FBN2: variants seen among roughly 807,000 people sequenced by gnomAD.
FBN2 encodes fibrillin 2, also known as fibrillin-2.
In FBN2, 105 loss-of-function variants were observed where a neutral mutation model predicts 355.6. That is an observed-to-expected ratio of 0.30 (90% CI 0.25 to 0.35). The LOEUF is 0.35. Ranked by LOEUF, FBN2 falls within the 10% of genes least tolerant of loss-of-function variation. The pLI is 1.00. For synonymous variants in FBN2, 1,350 were observed against 1,301.2 expected (o/e 1.04, Z -0.81); for missense variants, 3,280 against 3,758.7 (o/e 0.87, Z 3.33).
intron 48 of FBN2, among the ~76,000 whole-genome samples, chr5:128,297,663 GC>G (rs1749564012): frequency 6.6e-6 from 1 of 152,090 alleles, no homozygotes; most frequent in Non-Finnish European, 1.5e-5. Flanking sequence ...TGCAACCCCT[GC>G]CTTTTTTTGT....
At chr5:128,357,085 A>G (rs1751519867) in intron 20 of FBN2, among the ~76,000 whole-genome samples, 191 bp downstream of exon 20, 1 of 152,250 alleles carries the variant, frequency 6.6e-6, no homozygotes, top group Admixed American at 6.5e-5. Flanking sequence ...GAATCTAACA[A>G]AAATTGAATA....
chr5:128,293,137 T>C (rs1217406892), intron 48 of FBN2, among the ~76,000 whole-genome samples: 1 of 152,086 alleles, frequency 6.6e-6, no homozygotes, highest in Non-Finnish European at 1.5e-5. Flanking sequence ...TCTGTGTATG[T>C]GTGTGTGTGG....
chr5:128,328,400 C>T lies in FBN2; in HGVS notation c.4471+296G>A, dbSNP rs183527717. ...CTTTAAAAGCTGAATAGTTTCTCCACATGTCATTCATTTAGTGATAAAAAA... is the reference window on the plus strand; with the variant it reads ...CTTTAAAAGCTGAATAGTTTCTCCATATGTCATTCATTTAGTGATAAAAAA... On this transcript the variant is annotated intron_variant, in intron 34 of 64. Transcript: ENST00000262464. The T allele has an allele frequency of 1.5e-4, 91 of 596,906 alleles. No homozygotes were observed. The Admixed American group carries it at 1.8e-3, about 12-fold the overall frequency. The allele number at this position is 596,906 out of a possible 1,614,324, so 37.0% of individuals were successfully genotyped here.
chr5:128,342,594 G>A (rs1751055091), intron 25 of FBN2, among the ~76,000 whole-genome samples: 1 of 152,146 alleles, frequency 6.6e-6, no homozygotes, highest in Non-Finnish European at 1.5e-5. Flanking sequence ...CTAGAGAGAG[G>A]AGAGAGGAGC....
chr5:128,503,073 A>G (rs1755859482), intron 5 of FBN2, among the ~76,000 whole-genome samples: 1 of 109,324 alleles, frequency 9.1e-6, no homozygotes. Context: ...ACTGAATCAC[A>G]GGGACAGTTT....
Position 128,342,389 on chromosome 5 carries a change from G to A in FBN2, c.3343+1996C>T, listed in dbSNP as rs1751046641. Among the ~76,000 whole-genome samples, 2 of 152,090 alleles carry A rather than the reference G, an allele frequency of 1.3e-5. No individual in the cohort carries two copies. The highest frequency in any genetic ancestry group is 2.9e-5 in the Non-Finnish European group (2 of 68,034). On this transcript the variant is annotated intron_variant, in intron 25 of 64. Transcript: ENST00000262464. The stretch of plus-strand genomic sequence containing the variant: ...AACACCACAAAGATGTTTTGCAAGA[G>A]TAGATGAGTATACATGTATGTGCCT...
intron 3 of FBN2, among the ~76,000 whole-genome samples, 195 bp downstream of exon 3, chr5:128,530,400 G>A (rs1327315954): frequency 6.6e-6 from 1 of 152,158 alleles, no homozygotes; most frequent in African/African-American, 2.4e-5. Flanking sequence ...GTGTTTCCTT[G>A]GGCCAGTTAA....
intron 42 of FBN2, 96 bp from the exon 43 acceptor site, chr5:128,306,044 C>T (rs1749865632): frequency 1.6e-6 from 2 of 1,258,944 alleles, no homozygotes; most frequent in Admixed American, 1.7e-5. Flanking sequence ...GGGATGAGTA[C>T]AAATATTCAG....
intron 20 of FBN2, among the ~76,000 whole-genome samples, chr5:128,352,877 T>A (rs925086982): frequency 2.6e-5 from 4 of 152,158 alleles, no homozygotes; most frequent in African/African-American, 9.7e-5. Flanking sequence ...TATGTACAGA[T>A]AAAATTTACT....
At position 128,274,620 on chromosome 5, in the gene FBN2, C is replaced by A. The variant is rs764514988; in HGVS notation, c.7658G>T (p.Gly2553Val). 2.5e-6 allele frequency: 4 copies of A among 1,613,170 alleles called. No homozygotes were observed. The highest frequency in any genetic ancestry group is 1.7e-5 in the Admixed American group (1 of 59,976). Reference protein sequence around the residue: ...CQFLCVNTLGGFTCKCPPGFT... With the variant: ...CQFLCVNTLGVFTCKCPPGFT... ...ACCAGGTGGACATTTACAGGTAAAC[C>A]CCCCCAGGGTGTTGACACAGAGGAA... Residue 2553 changes from glycine (G) to valine (V), a missense_variant, in exon 60 of 65, where the codon GGG (glycine) becomes GTG (valine). By Grantham distance (109) the Gly-to-Val change is moderately radical. Around this residue, in one of 6 missense-constraint regions of FBN2, gnomAD observed 2,284 missense variants for 2,749.5 expected, o/e 0.83. Coordinates refer to ENST00000262464, the MANE Select transcript of FBN2 (RefSeq NM_001999.4).
At chr5:128,522,315 C>T (rs546675184) in intron 4 of FBN2, among the ~76,000 whole-genome samples, 9 of 152,220 alleles carry the variant, frequency 5.9e-5, no homozygotes, top group Admixed American at 4.6e-4. Flanking sequence ...CAAAATTTCA[C>T]GGCATTTTTT....
intron 7 of FBN2, among the ~76,000 whole-genome samples, chr5:128,414,045 A>T (rs1753135246): frequency 6.6e-6 from 1 of 152,214 alleles, no homozygotes; most frequent in African/African-American, 2.4e-5. Context: ...TGGAAAATTG[A>T]TGTCTGCTTT....
chr5:128,288,544 A>G lies in FBN2; in HGVS notation c.6651T>C (p.Cys2217=), dbSNP rs2126818726. The change falls in exon 53 of 65, where the codon TGT becomes TGC. Residue 2217 remains cysteine (C), a synonymous_variant. Coordinates refer to ENST00000262464, the MANE Select transcript of FBN2 (RefSeq NM_001999.4). ...TGVRCVDTDE[C]SIGNPCGNGT... is the part of the protein sequence containing the mutation. ...CATTTCCACACGGATTGCCGATTGA[A>G]CACTCATCAGTATCTGAAAAAGAAG... is the stretch of plus-strand genomic sequence containing the variant. 1.2e-6 allele frequency: 2 copies of G among 1,613,854 alleles called. No individual in the cohort carries two copies. Among genetic ancestry groups the G allele is most frequent in the East Asian group, 4.5e-5 (2 of 44,878 alleles).
chr5:128,378,796 C>A lies in FBN2; in HGVS notation c.1698G>T (p.Arg566Ser). ...YYCKCHAGFQ[R>S]TPTKQACIDI... The stretch of plus-strand genomic sequence containing the variant: ...CAATGCATGCTTGCTTGGTAGGAGT[C>A]CTCTGGAATCCAGCATGACATTTAC... The change falls in exon 12 of 65, where the codon AGG becomes AGT. Residue 566 changes from arginine to serine, a missense_variant. Transcript: ENST00000262464. 6.2e-7 allele frequency: 1 copy of A among 1,613,156 alleles called. No homozygotes were observed. The highest frequency in any genetic ancestry group is 8.5e-7 in the Non-Finnish European group (1 of 1,179,392).
intron 5 of FBN2, among the ~76,000 whole-genome samples, chr5:128,514,120 C>A (rs1359181025): frequency 2.0e-5 from 3 of 151,932 alleles, no homozygotes; most frequent in African/African-American, 7.3e-5. Context: ...TTTCATTCTA[C>A]TAAATCTTCA....
intron 14 of FBN2, among the ~76,000 whole-genome samples, chr5:128,376,475 C>T (rs1252349880): frequency 6.6e-6 from 1 of 152,170 alleles, no homozygotes; most frequent in African/African-American, 2.4e-5. Flanking sequence ...TTGTTTTCCA[C>T]AAGACTTGCT....
At chr5:128,493,177 G>A (rs75661643) in intron 5 of FBN2, among the ~76,000 whole-genome samples, 1 of 152,098 alleles carries the variant, frequency 6.6e-6, no homozygotes, top group Admixed American at 6.5e-5. Context: ...AGTGTAATGA[G>A]GGATTCTGAG....
At chr5:128,403,414 C>T (rs1752849698) in intron 8 of FBN2, among the ~76,000 whole-genome samples, 1 of 152,178 alleles carries the variant, frequency 6.6e-6, no homozygotes, top group Non-Finnish European at 1.5e-5. Flanking sequence ...ATTTTCTGAA[C>T]TTAACTGGCC....
intron 34 of FBN2, among the ~76,000 whole-genome samples, chr5:128,321,127 CTTTTATGAAATCACAGGTGT>C (rs1449341668): frequency 1.3e-5 from 2 of 152,044 alleles, no homozygotes; most frequent in Non-Finnish European, 1.5e-5. Flanking sequence ...AAGGGTGGGA[CTTTTATGAAATCACAGGTGT>C]TTTCTACCTG....
Sources: gnomAD v4.1 joint callset for allele counts (sites outside exome capture counted in the v4.1 genomes callset) on GRCh38, gnomAD v4.1.1 for gene constraint, gnomAD v4.1.1 regional missense constraint, MANE v1.5 for transcripts, NCBI Gene and HGNC (gene_info 2026-07-23, HGNC 2026-07-21) for gene names.